The following MNAT1 variants were observed in gnomAD, a reference collection of about 807,000 sequenced individuals.
MNAT1 encodes the protein MNAT1 component of CDK activating kinase.
MNAT1 carries 43 observed loss-of-function variants against 42.0 expected under a neutral mutation model. The observed-to-expected ratio is 1.02, with a 90% CI of 0.80 to 1.32. MNAT1 has a LOEUF of 1.32. Ranked by LOEUF, MNAT1 falls within the 40% of genes most tolerant of loss-of-function variation. The pLI, the probability that MNAT1 is intolerant of heterozygous loss-of-function variation, is 0.00. For synonymous variants in MNAT1, 118 were observed against 120.0 expected (o/e 0.98, Z 0.11); for missense variants, 306 against 350.4 (o/e 0.87, Z 1.01).
chr14:60,789,886 T>C (rs564197772), intron 1 of MNAT1, among the ~76,000 whole-genome samples: 1 of 152,318 alleles, frequency 6.6e-6, no homozygotes, highest in East Asian at 1.9e-4. Flanking sequence ...GAGCTGTTGC[T>C]CATTGGCTGA....
intron 1 of MNAT1, among the ~76,000 whole-genome samples, chr14:60,792,115 G>A (rs1024788389): frequency 6.6e-6 from 1 of 152,120 alleles, no homozygotes; most frequent in Non-Finnish European, 1.5e-5. Context: ...TAAATTGACT[G>A]CCTTTTCTAA....
intron 6 of MNAT1, among the ~76,000 whole-genome samples, chr14:60,856,683 C>CTT (rs112853589): frequency 9.6e-5 from 13 of 135,244 alleles, no homozygotes; most frequent in South Asian, 7.2e-4. Flanking sequence ...TGCTCATTCG[C>CTT]TTTTTTTTTT....
chr14:60,926,511 C>T (rs910834075), intron 7 of MNAT1, among the ~76,000 whole-genome samples: 6 of 152,116 alleles, frequency 3.9e-5, no homozygotes, highest in African/African-American at 9.7e-5. Context: ...TTTGCTAGGG[C>T]GGCTCACAGA....
At chr14:60,890,785 C>T (rs776439627) in intron 7 of MNAT1, among the ~76,000 whole-genome samples, 1 of 152,206 alleles carries the variant, frequency 6.6e-6, no homozygotes, top group Non-Finnish European at 1.5e-5. Context: ...TTTATTCTAG[C>T]CACACTGGCA....
intron 7 of MNAT1, among the ~76,000 whole-genome samples, chr14:60,916,217 C>T (rs2035508715): frequency 6.6e-6 from 1 of 152,130 alleles, no homozygotes; most frequent in Non-Finnish European, 1.5e-5. Flanking sequence ...AATAATTTAT[C>T]CATTATCATC....
At chr14:60,829,857 GA>G (rs2033164618) in intron 6 of MNAT1, among the ~76,000 whole-genome samples, 1 of 152,168 alleles carries the variant, frequency 6.6e-6, no homozygotes, top group African/African-American at 2.4e-5. Flanking sequence ...TTAATGTAAT[GA>G]GGCAGATTTC....
chr14:60,941,731 G>A (rs956046083), intron 7 of MNAT1, among the ~76,000 whole-genome samples: 2 of 150,838 alleles, frequency 1.3e-5, no homozygotes, highest in Admixed American at 6.6e-5. Flanking sequence ...ATGGCCGGGC[G>A]CGGTGGCTCA....
intron 6 of MNAT1, among the ~76,000 whole-genome samples, chr14:60,834,314 T>G (rs2033314098): frequency 6.6e-6 from 1 of 152,086 alleles, no homozygotes; most frequent in South Asian, 2.1e-4. Context: ...AAATTTCCCT[T>G]TTAACATTGC....
intron 7 of MNAT1, among the ~76,000 whole-genome samples, chr14:60,944,021 A>C (rs1468993378): frequency 1.3e-5 from 2 of 152,262 alleles, no homozygotes. Flanking sequence ...TCCAGAAACT[A>C]TGCAAGGGTA....
At chr14:60,793,958 G>A (rs2031915847) in intron 1 of MNAT1, among the ~76,000 whole-genome samples, 1 of 151,914 alleles carries the variant, frequency 6.6e-6, no homozygotes, top group African/African-American at 2.4e-5. Flanking sequence ...TTATGACAAG[G>A]CAGATTATAA....
chr14:60,950,109 A>T (rs2036353568), intron 7 of MNAT1, among the ~76,000 whole-genome samples: 1 of 152,152 alleles, frequency 6.6e-6, no homozygotes, highest in Non-Finnish European at 1.5e-5. Context: ...TAAGTTGTTG[A>T]CATGATTCAG....
At chr14:60,879,159 A>T (rs185729355) in intron 6 of MNAT1, among the ~76,000 whole-genome samples, 1 of 152,008 alleles carries the variant, frequency 6.6e-6, no homozygotes, top group Non-Finnish European at 1.5e-5. Flanking sequence ...TCTTTGGGGC[A>T]TTGTCCCCAT....
At chr14:60,858,438 A>G (rs2034015600) in intron 6 of MNAT1, among the ~76,000 whole-genome samples, 1 of 150,190 alleles carries the variant, frequency 6.7e-6, no homozygotes, top group African/African-American at 2.5e-5. Flanking sequence ...TTTTTTATAA[A>G]TTTGTTTAAG....
chr14:60,836,871 G>A (rs2033404649), intron 6 of MNAT1, among the ~76,000 whole-genome samples: 1 of 152,192 alleles, frequency 6.6e-6, no homozygotes, highest in East Asian at 1.9e-4. Context: ...TCTGTCCTAG[G>A]GAGATGGGAG....
rs147202280 is a variant in MNAT1, at chr14:60,940,275, A to G, written c.810-27954A>G. On this transcript the variant is annotated intron_variant, in intron 7 of 7. Transcript: ENST00000261245. ...TATGTGTGAATTTGATCCTGTCAGTATGATGTTAGCTGGTTATTTTGCTCA... is the reference window on the plus strand; with the variant it reads ...TATGTGTGAATTTGATCCTGTCAGTGTGATGTTAGCTGGTTATTTTGCTCA... Among the ~76,000 whole-genome samples the G allele has an allele frequency of 6.9e-3, 1,048 of 152,290 alleles. 16 individuals are homozygous for G. The highest frequency in any genetic ancestry group is 0.023 in the African/African-American group (954 of 41,560).
chr14:60,864,335 G>A (rs6573338), intron 6 of MNAT1, among the ~76,000 whole-genome samples: 143,670 of 151,916 alleles, frequency 0.95, 68,216 homozygotes, highest in Non-Finnish European at 0.99. Context: ...AGGGACAGTT[G>A]TGGTGGTATA....
intron 6 of MNAT1, among the ~76,000 whole-genome samples, chr14:60,878,181 T>C (rs2034473506): frequency 6.6e-6 from 1 of 152,008 alleles, no homozygotes; most frequent in African/African-American, 2.4e-5. Flanking sequence ...TTGTGGAAAA[T>C]GGAATTAAAA....
Position 60,734,997 on chromosome 14 carries a change from T to C in MNAT1, c.89+46T>C. 6.3e-7 allele frequency: 1 copy of C among 1,582,230 alleles called. No individual in the cohort carries two copies. The highest frequency in any genetic ancestry group is 8.7e-7 in the Non-Finnish European group (1 of 1,151,308). On this transcript the variant is annotated intron_variant, in intron 1 of 7. Coordinates refer to ENST00000261245, the MANE Select transcript of MNAT1 (RefSeq NM_002431.4). This position sits in a 1 kb window ranked among gnomAD's most constrained non-coding sequence, Gnocchi z 4.3. ...TTCCCTGGGGGAGAGACGCGCTGGG[T>C]GGGAGGAGAGGACCGGGAGATGCTA... is the stretch of plus-strand genomic sequence containing the variant.
intron 1 of MNAT1, among the ~76,000 whole-genome samples, chr14:60,769,013 A>T (rs902405624): frequency 6.6e-6 from 1 of 152,202 alleles, no homozygotes; most frequent in African/African-American, 2.4e-5. Flanking sequence ...GTATAGTTTA[A>T]TGAATAATGA....
Sources: gnomAD v4.1 joint callset for allele counts (sites outside exome capture counted in the v4.1 genomes callset) on GRCh38, gnomAD v4.1.1 for gene constraint, Gnocchi (gnomAD v3.1) non-coding constraint, MANE v1.5 for transcripts, NCBI Gene and HGNC (gene_info 2026-07-23, HGNC 2026-07-21) for gene names.